TMEM220: variants seen among roughly 807,000 people sequenced by gnomAD.
TMEM220 encodes transmembrane protein 220.
TMEM220 carries 21 observed loss-of-function variants against 21.7 expected under a neutral mutation model. The observed-to-expected ratio is 0.97, with a 90% CI of 0.69 to 1.39. The LOEUF (loss-of-function observed/expected upper bound fraction) is 1.39. Among genes scored for constraint, TMEM220 ranks in the 40% most tolerant of loss-of-function variants. The pLI is 0.00. For missense variants in TMEM220, 191 were observed against 201.9 expected (o/e 0.95, Z 0.33); for synonymous variants, 80 against 73.6 (o/e 1.09, Z -0.45).
At chr17:10,729,759 C>A in intron 1 of TMEM220, 21 bp downstream of exon 1, 1 of 1,348,610 alleles carries the variant, frequency 7.4e-7, no homozygotes, top group South Asian at 1.7e-5. Flanking sequence ...GCGGGTCCCC[C>A]TCCCACCGCG....
intron 5 of TMEM220, among the ~76,000 whole-genome samples, chr17:10,718,418 A>G (rs565514025): frequency 1.3e-4 from 19 of 151,868 alleles, no homozygotes; most frequent in African/African-American, 4.6e-4. Context: ...GACCTTGTTA[A>G]TTCTCTATTT....
intron 2 of TMEM220, among the ~76,000 whole-genome samples, chr17:10,728,467 G>A (rs1350831883): frequency 1.3e-5 from 2 of 151,932 alleles, no homozygotes; most frequent in East Asian, 3.9e-4. Context: ...ATGCCACCAC[G>A]CCTGGCTAAT....
At chr17:10,711,243 C>A, downstream of TMEM220, 2 of 927,726 alleles carry the variant, frequency 2.2e-6, no homozygotes, top group Non-Finnish European at 1.6e-6. Context: ...ATTCAGCTTG[C>A]ATAACAAAAT....
Position 10,723,318 on chromosome 17 carries a change from C to T in TMEM220, c.299G>A (p.Gly100Asp), listed in dbSNP as rs553683450. The T allele has an allele frequency of 7.6e-5, 123 of 1,614,016 alleles. 4 individuals carry two copies. The South Asian group carries it at 1.2e-3, about 16-fold the overall frequency. The change falls in exon 5 of 6, where the codon GGT becomes GAT. Residue 100 changes from glycine to aspartate, a missense_variant. By Grantham distance (94) the Gly-to-Asp change is moderately conservative. Transcript: ENST00000341871. ...LHEEEGRELSGLVIITAWIIL... is the reference protein window; with the variant it reads ...LHEEEGRELSDLVIITAWIIL... ...AATCCATGCTGTAATAATCACCAGACCAGACAGCTCCCTATAAAAGGGTGT... is the reference window on the plus strand; with the variant it reads ...AATCCATGCTGTAATAATCACCAGATCAGACAGCTCCCTATAAAAGGGTGT...
intron 3 of TMEM220, among the ~76,000 whole-genome samples, chr17:10,725,562 C>T (rs1280171567): frequency 2.0e-5 from 3 of 152,320 alleles, no homozygotes; most frequent in South Asian, 2.1e-4. Context: ...AGTCCATATT[C>T]CACTGGACGT....
At chr17:10,715,720 CATTG>C (rs1240045106) in intron 5 of TMEM220, 132 bp from the exon 6 acceptor site, 13 of 587,916 alleles carry the variant, frequency 2.2e-5, no homozygotes, top group African/African-American at 1.9e-4. Flanking sequence ...TGAAATATAA[CATTG>C]ATTTATAGAA....
At position 10,715,349 on chromosome 17, in the gene TMEM220, CTATT is replaced by C. The variant is rs948188363; in HGVS notation, c.*100_*103del. On this transcript the variant is annotated 3_prime_UTR_variant, in exon 6 of 6. Coordinates refer to ENST00000341871, the MANE Select transcript of TMEM220 (RefSeq NM_001004313.3). ...TAAAAAGTTATTTGGAGTTTTAAAA[CTATT>C]AGCCCAAATTACCTGAAATAAACTC... is the stretch of plus-strand genomic sequence containing the variant. 4.9e-5 allele frequency: 41 copies of C among 832,020 alleles called. No homozygotes were observed. The highest frequency in any genetic ancestry group is 6.1e-5 in the Non-Finnish European group (37 of 611,072). 51.5% of individuals were successfully genotyped at this position (832,020 alleles called of 1,614,324 possible).
chr17:10,722,582 C>T (rs2151476860), intron 5 of TMEM220, among the ~76,000 whole-genome samples: 1 of 152,272 alleles, frequency 6.6e-6, no homozygotes, highest in East Asian at 1.9e-4. Context: ...AATTAAAGGA[C>T]CTTAGAATGC....
rs985766569 is a variant in TMEM220, at chr17:10,725,116, C to A, written c.182G>T (p.Ser61Ile). 1 of 1,614,034 alleles carries A rather than the reference C, an allele frequency of 6.2e-7. No homozygotes were observed. The highest frequency in any genetic ancestry group is 2.2e-5 in the East Asian group (1 of 44,890). ...AAAGAGTATGTGTATTGCAGAGATACTTTTCCAAATAACATTACCTAAAAA... is the reference window on the plus strand; with the variant it reads ...AAAGAGTATGTGTATTGCAGAGATAATTTTCCAAATAACATTACCTAAAAA... ...PEVTGNVIWKSISAIHILFCT... is the reference protein window; with the variant it reads ...PEVTGNVIWKIISAIHILFCT... The change falls in exon 4 of 6, where the codon AGT becomes ATT. Residue 61 changes from serine (S) to isoleucine (I), a missense_variant. Physicochemically the swap from Ser to Ile is moderately radical, Grantham distance 142. Coordinates refer to ENST00000341871, the MANE Select transcript of TMEM220 (RefSeq NM_001004313.3).
At chr17:10,726,094 A>G (rs2075045517) in intron 3 of TMEM220, 110 bp downstream of exon 3, 9 of 786,516 alleles carry the variant, frequency 1.1e-5, no homozygotes, top group South Asian at 4.5e-5. Flanking sequence ...AGAAATGAGA[A>G]GAAAGGCCTA....
intron 5 of TMEM220, chr17:10,716,269 C>A (rs1430518867): frequency 2.8e-6 from 2 of 712,832 alleles, no homozygotes; most frequent in South Asian, 2.7e-5. Flanking sequence ...CCGGCCCTCT[C>A]GGTTGGGAGG....
At chr17:10,721,176 G>C (rs916540490) in intron 5 of TMEM220, among the ~76,000 whole-genome samples, 2 of 152,130 alleles carry the variant, frequency 1.3e-5, no homozygotes, top group Admixed American at 1.3e-4. Flanking sequence ...ATACCAGAAA[G>C]CAAGGAAGCT....
chr17:10,714,198 A>C lies in TMEM220; in HGVS notation c.*1255T>G, dbSNP rs1050753473. 3 of 152,188 alleles carry C rather than the reference A, an allele frequency of 2.0e-5. No individual in the cohort carries two copies. Among genetic ancestry groups the C allele is most frequent in the African/African-American group, 7.2e-5 (3 of 41,450 alleles). 9.4% of individuals were successfully genotyped at this position (152,188 alleles called of 1,614,324 possible). On this transcript the variant is annotated 3_prime_UTR_variant, in exon 6 of 6. Coordinates refer to ENST00000341871, the MANE Select transcript of TMEM220 (RefSeq NM_001004313.3). ...GTTCTTTTTCTACCATGTCTTTAAA[A>C]TCCAGTGTATTTTACATTTATAGCC...
intron 5 of TMEM220, chr17:10,716,012 T>C: frequency 2.0e-6 from 1 of 512,722 alleles, no homozygotes; most frequent in Non-Finnish European, 3.6e-6. Flanking sequence ...ACACAAAATG[T>C]TCTTGATAAT....
intron 5 of TMEM220, among the ~76,000 whole-genome samples, chr17:10,722,724 C>T (rs1283219288): frequency 5.3e-5 from 8 of 152,164 alleles, no homozygotes; most frequent in African/African-American, 1.7e-4. Flanking sequence ...TTCATTCTTT[C>T]GTGAATCTCT....
chr17:10,712,573 G>T (rs972168179), downstream of TMEM220, among the ~76,000 whole-genome samples: 1 of 152,222 alleles, frequency 6.6e-6, no homozygotes, highest in African/African-American at 2.4e-5. Context: ...GTCACACAAA[G>T]AAAGGACTGA....
At chr17:10,716,055 C>T in intron 5 of TMEM220, 2 of 665,440 alleles carry the variant, frequency 3.0e-6, no homozygotes, top group South Asian at 1.5e-5. Flanking sequence ...CCCCCCATGT[C>T]CACATCAATA....
chr17:10,729,766 C>G lies in TMEM220; in HGVS notation c.72+14G>C. 7.4e-7 allele frequency: 1 copy of G among 1,358,068 alleles called. No individual in the cohort carries two copies. The highest frequency in any genetic ancestry group is 9.5e-7 in the Non-Finnish European group (1 of 1,051,486). 84.1% of individuals were successfully genotyped at this position (1,358,068 alleles called of 1,614,324 possible). A position where few individuals can be genotyped will look rare whatever the true frequency, so the allele number is the denominator to read the frequency against. ...GGAGCCGGGCGGGTCCCCCTCCCAC[C>G]GCGGCCGCCTGACCTGCACCAAGGC... On this transcript the variant is annotated intron_variant, in intron 1 of 5. Coordinates refer to ENST00000341871, the MANE Select transcript of TMEM220 (RefSeq NM_001004313.3).
chr17:10,716,533 G>A lies in TMEM220; in HGVS notation c.348-945C>T, dbSNP rs528659598. ...TTCATGGCTTGCAAAAGACAACTGA[G>A]ACTGAACTTCTAAAAGAAAGCTGCA... is the stretch of plus-strand genomic sequence containing the variant. On this transcript the variant is annotated intron_variant, in intron 5 of 5. Transcript: ENST00000341871. The A allele has an allele frequency of 9.1e-4, 556 of 614,188 alleles. 1 individual carries two copies. Among genetic ancestry groups the A allele is most frequent in the Non-Finnish European group, 1.4e-3 (432 of 314,382 alleles). 38.0% of individuals were successfully genotyped at this position (614,188 alleles called of 1,614,324 possible). A position where few individuals can be genotyped will look rare whatever the true frequency, so the allele number is the denominator to read the frequency against.
Sources: allele counts gnomAD v4.1 joint callset (sites outside exome capture counted in the v4.1 genomes callset), GRCh38; gene constraint gnomAD v4.1.1; transcripts MANE v1.5; gene names NCBI Gene and HGNC (gene_info 2026-07-23, HGNC 2026-07-21).